Variants in SPIDR observed in about 807,000 individuals in gnomAD.
The protein encoded by SPIDR is DNA repair-scaffolding protein.
Under a neutral mutation model 104.6 loss-of-function variants are expected in SPIDR, and 93 were observed. The ratio of observed to expected loss-of-function variants is 0.89; its 90% CI spans 0.75 to 1.06. SPIDR has a LOEUF of 1.06. SPIDR is among the 50% of genes least tolerant of loss of function. The pLI, the probability that SPIDR is intolerant of heterozygous loss-of-function variation, is 0.00. For missense variants in SPIDR, 1,154 were observed against 1,111.2 expected, an observed-to-expected ratio of 1.04 and a Z score of -0.55; for synonymous variants, 431 against 416.9, an observed-to-expected ratio of 1.03 and a Z score of -0.41.
intron 8 of SPIDR, among the ~76,000 whole-genome samples, chr8:47,466,546 A>G (rs2074807313): frequency 6.6e-6 from 1 of 152,168 alleles, no homozygotes; most frequent in Non-Finnish European, 1.5e-5. Context: ...AATTTGTGGC[A>G]CTAAACACTC....
chr8:47,667,487 CTGTAGT>C (rs2075136419), intron 10 of SPIDR, among the ~76,000 whole-genome samples: 1 of 148,910 alleles, frequency 6.7e-6, no homozygotes, highest in Admixed American at 6.7e-5. Flanking sequence ...TGGCATGTGC[CTGTAGT>C]CCTAGCTACT....
intron 9 of SPIDR, among the ~76,000 whole-genome samples, chr8:47,598,652 T>C (rs1447087354): frequency 6.6e-6 from 1 of 152,202 alleles, no homozygotes; most frequent in Non-Finnish European, 1.5e-5. Context: ...CATGAATTAT[T>C]TTATTAGCAG....
At chr8:47,465,590 C>CT (rs1187428974) in intron 8 of SPIDR, among the ~76,000 whole-genome samples, 1 of 152,070 alleles carries the variant, frequency 6.6e-6, no homozygotes, top group Admixed American at 6.6e-5. Context: ...AAAAAATTAG[C>CT]TGGGCGTGGT....
At chr8:47,708,562 A>G (rs2081404359) in intron 14 of SPIDR, among the ~76,000 whole-genome samples, 1 of 151,278 alleles carries the variant, frequency 6.6e-6, no homozygotes, top group African/African-American at 2.4e-5. Context: ...ATGAGGGTTC[A>G]CTCTTGGTGG....
At chr8:47,466,958 A>G (rs531716073) in intron 8 of SPIDR, among the ~76,000 whole-genome samples, 66 of 149,568 alleles carry the variant, frequency 4.4e-4, no homozygotes, top group Non-Finnish European at 9.3e-4. Flanking sequence ...GATATAAAAA[A>G]TAGACTGCTA....
intron 1 of SPIDR, among the ~76,000 whole-genome samples, chr8:47,267,048 A>C (rs960820473): frequency 6.6e-6 from 1 of 152,194 alleles, no homozygotes; most frequent in Admixed American, 6.5e-5. Context: ...ATGTTGTTGC[A>C]TGTATCAGTA....
In SPIDR at chr8:47,702,030, C is replaced by T. The variant is rs199580620; in HGVS notation, c.1977+15C>T. On this transcript the variant is annotated intron_variant, in intron 14 of 19. Transcript: ENST00000297423. ...AAAAACCACAGGTAATAATCTCTCTCAATCTCTCAATCTCTCAGCCTTTCT... is the reference window on the plus strand; with the variant it reads ...AAAAACCACAGGTAATAATCTCTCTTAATCTCTCAATCTCTCAGCCTTTCT... 10 of 1,582,446 alleles carry T rather than the reference C, an allele frequency of 6.3e-6. No homozygotes were observed. The East Asian group carries it at 2.3e-4, about 36-fold the overall frequency.
chr8:47,451,875 A>G (rs949378617), intron 8 of SPIDR, among the ~76,000 whole-genome samples: 6 of 152,164 alleles, frequency 3.9e-5, no homozygotes, highest in African/African-American at 1.4e-4. Context: ...CCAGCCCCTC[A>G]GTGATCAAGC....
chr8:47,316,971 G>C (rs1223902143), intron 5 of SPIDR, among the ~76,000 whole-genome samples: 1 of 152,190 alleles, frequency 6.6e-6, no homozygotes, highest in East Asian at 1.9e-4. Flanking sequence ...AGATGGATTG[G>C]TGGAGCCAAG....
chr8:47,328,357 C>T (rs1014142054), intron 5 of SPIDR, among the ~76,000 whole-genome samples: 1 of 151,648 alleles, frequency 6.6e-6, no homozygotes, highest in African/African-American at 2.4e-5. Context: ...CCTCTGGGCC[C>T]AAGTGATCCG....
intron 10 of SPIDR, among the ~76,000 whole-genome samples, chr8:47,610,861 G>A (rs2063515140): frequency 6.6e-6 from 1 of 152,242 alleles, no homozygotes; most frequent in Admixed American, 6.5e-5. Flanking sequence ...ACAGATGCTT[G>A]ATTATATAGT....
intron 8 of SPIDR, among the ~76,000 whole-genome samples, chr8:47,519,181 G>T (rs1308636900): frequency 6.6e-6 from 1 of 152,042 alleles, no homozygotes; most frequent in Non-Finnish European, 1.5e-5. Flanking sequence ...TTTCGCTCTT[G>T]TTGCCCAGGC....
At chr8:47,375,233 C>CTTTTTTT (rs869038432) in intron 5 of SPIDR, among the ~76,000 whole-genome samples, 1 of 53,346 alleles carries the variant, frequency 1.9e-5, no homozygotes. Flanking sequence ...AGTTAATAGG[C>CTTTTTTT]TTTTTTTTTT....
intron 11 of SPIDR, among the ~76,000 whole-genome samples, chr8:47,688,022 T>A (rs1427077261): frequency 2.7e-5 from 4 of 145,892 alleles, no homozygotes; most frequent in African/African-American, 1.1e-4. Context: ...AAAAAGTGTG[T>A]GTGTGTGTGT....
intron 8 of SPIDR, among the ~76,000 whole-genome samples, chr8:47,563,644 T>A (rs1257518773): frequency 1.3e-5 from 2 of 152,184 alleles, no homozygotes; most frequent in Non-Finnish European, 2.9e-5. Flanking sequence ...AAAATAAGAC[T>A]TAGAATCTGC....
intron 8 of SPIDR, among the ~76,000 whole-genome samples, chr8:47,573,941 T>A (rs1328196053): frequency 6.6e-6 from 1 of 152,222 alleles, no homozygotes; most frequent in Admixed American, 6.5e-5. Flanking sequence ...CAAGAGAAAT[T>A]ATGCTTCCTC....
At chr8:47,416,530 G>A (rs1340798326) in intron 7 of SPIDR, among the ~76,000 whole-genome samples, 1 of 151,962 alleles carries the variant, frequency 6.6e-6, no homozygotes, top group Admixed American at 6.6e-5. Context: ...TATTTTTCTG[G>A]GATAAATGAT....
intron 1 of SPIDR, among the ~76,000 whole-genome samples, chr8:47,275,439 A>G (rs1426341180): frequency 6.6e-6 from 1 of 151,988 alleles, no homozygotes; most frequent in Non-Finnish European, 1.5e-5. Flanking sequence ...TTAGTTTTAC[A>G]TGGGTGTGTT....
intron 10 of SPIDR, among the ~76,000 whole-genome samples, chr8:47,610,367 CAG>C (rs2063454314): frequency 6.6e-6 from 1 of 152,184 alleles, no homozygotes; most frequent in South Asian, 2.1e-4. Flanking sequence ...CACAGCCTGG[CAG>C]AGTCTTCAGG....
Sources: allele counts gnomAD v4.1 joint callset (sites outside exome capture counted in the v4.1 genomes callset), GRCh38; gene constraint gnomAD v4.1.1; transcripts MANE v1.5; gene names NCBI Gene and HGNC (gene_info 2026-07-23, HGNC 2026-07-21).